The following PPFIA4 variants were observed in gnomAD, a reference collection of about 807,000 sequenced individuals.
PPFIA4 encodes PPFI scaffold protein A4.
In PPFIA4, 98 loss-of-function variants were observed where a neutral mutation model predicts 145.7. The ratio of observed to expected loss-of-function variants is 0.67; its 90% CI spans 0.57 to 0.80. The LOEUF is 0.80. Among genes scored for constraint, PPFIA4 ranks in the 30% least tolerant of loss-of-function variants. The pLI is 0.00. For missense variants in PPFIA4, 1,457 were observed against 1,632.7 expected (o/e 0.89, Z 1.85); for synonymous variants, 628 against 649.6 (o/e 0.97, Z 0.51).
At chr1:203,041,725 G>C (rs1002696540) in intron 2 of PPFIA4, among the ~76,000 whole-genome samples, 2 of 152,178 alleles carry the variant, frequency 1.3e-5, no homozygotes, top group Admixed American at 1.3e-4. Flanking sequence ...GGCCAGGAGA[G>C]GGGGCAGCAC....
intron 1 of PPFIA4, chr1:203,035,216 A>C: frequency 2.2e-6 from 1 of 445,420 alleles, no homozygotes; most frequent in Non-Finnish European, 4.5e-6. Context: ...TGCCCAGCTG[A>C]ATAGCCCCTC....
intron 1 of PPFIA4, among the ~76,000 whole-genome samples, chr1:203,034,290 C>T (rs1659055097): frequency 6.6e-6 from 1 of 152,124 alleles, no homozygotes; most frequent in South Asian, 2.1e-4. Context: ...TAGGTGGGTC[C>T]TGGGAGCAGA....
At position 203,068,489 on chromosome 1, in the gene PPFIA4, G is replaced by A. The variant is rs1661889759; in HGVS notation, c.3185G>A (p.Trp1062Ter). ...TGGACCAACGACCAGGTGGTTCATT[G>A]GGTCCAGTCTATTGGGCTCCGGGAC... ...LVWTNDQVVH[W>*]VQSIGLRDYA... is the part of the protein sequence containing the mutation. Residue 1062 changes from tryptophan to a stop codon, truncating the protein, a stop_gained, in exon 27 of 30, where the codon TGG becomes TAG. Coordinates refer to ENST00000295706, the MANE Select transcript of PPFIA4 (RefSeq NM_001304331.2). LOFTEE classifies it high-confidence loss of function. This position sits in a 1 kb window ranked among gnomAD's most constrained non-coding sequence, Gnocchi z 4.7. 2.5e-6 allele frequency: 4 copies of A among 1,607,880 alleles called. No homozygotes were observed. The highest frequency in any genetic ancestry group is 3.4e-6 in the Non-Finnish European group (4 of 1,177,376).
chr1:203,060,915 T>G lies in PPFIA4; in HGVS notation c.2785-55T>G. ...CTTGTCCTTTGGGCTCCCAGCCTGA[T>G]GGGGATCCTGGGGACCCACACCCAG... On this transcript the variant is annotated intron_variant, in intron 22 of 29. Transcript: ENST00000295706. The surrounding 1 kb of genome is among the most constrained non-coding windows in gnomAD (Gnocchi z 4.8). 1.3e-6 allele frequency: 2 copies of G among 1,539,796 alleles called. No individual in the cohort carries two copies. The highest frequency in any genetic ancestry group is 1.8e-6 in the Non-Finnish European group (2 of 1,113,250).
intron 1 of PPFIA4, among the ~76,000 whole-genome samples, chr1:203,038,158 T>C (rs1659435954): frequency 6.6e-6 from 1 of 152,154 alleles, no homozygotes; most frequent in Non-Finnish European, 1.5e-5. Context: ...CCACTCCCAC[T>C]AAGAGTCCTT....
Position 203,077,599 on chromosome 1 carries a change from C to G in PPFIA4, c.*1209C>G, listed in dbSNP as rs1032799438. On this transcript the variant is annotated 3_prime_UTR_variant, in exon 30 of 30. Transcript: ENST00000295706. ...TGTCCCCAAATCACCTAACCCTCAT[C>G]CAGGGCTATTTTGGTGGGCAGGGAC... 2 of 152,166 alleles carry G rather than the reference C, an allele frequency of 1.3e-5. No individual in the cohort carries two copies. Among genetic ancestry groups the G allele is most frequent in the Non-Finnish European group, 2.9e-5 (2 of 68,038 alleles). 9.4% of individuals were successfully genotyped at this position (152,166 alleles called of 1,614,324 possible). A position where few individuals can be genotyped will look rare whatever the true frequency, so the allele number is the denominator to read the frequency against.
intron 1 of PPFIA4, chr1:203,035,494 C>A: frequency 6.5e-6 from 2 of 306,616 alleles, no homozygotes; most frequent in Non-Finnish European, 1.4e-5. Context: ...TTTGTCCAAT[C>A]CCCCACCCCC....
At chr1:203,057,774 G>A (rs192507444) in intron 19 of PPFIA4, among the ~76,000 whole-genome samples, 10 of 152,322 alleles carry the variant, frequency 6.6e-5, no homozygotes, top group East Asian at 5.8e-4. Context: ...CTCAGAACTC[G>A]GCTATGGAAT....
intron 1 of PPFIA4, among the ~76,000 whole-genome samples, chr1:203,036,195 G>T (rs974983224): frequency 6.6e-6 from 1 of 152,184 alleles, no homozygotes; most frequent in Non-Finnish European, 1.5e-5. Context: ...ATCACAGGGT[G>T]CTTTCTACTC....
At position 203,048,411 on chromosome 1, in the gene PPFIA4, C is replaced by A; in HGVS notation, c.1224+101C>A. The A allele has an allele frequency of 6.7e-7, 1 of 1,483,578 alleles. No homozygotes were observed. The highest frequency in any genetic ancestry group is 9.2e-7 in the Non-Finnish European group (1 of 1,085,684). 91.9% of individuals were successfully genotyped at this position (1,483,578 alleles called of 1,614,324 possible). On this transcript the variant is annotated intron_variant, in intron 10 of 29. Transcript: ENST00000295706. The surrounding 1 kb of genome is among the most constrained non-coding windows in gnomAD (Gnocchi z 5.8). ...CACGGAGGAAGGGCCTGGCCAGGGA[C>A]ACAGCCACAGAGAGTGGGAGGAGGC...
intron 19 of PPFIA4, among the ~76,000 whole-genome samples, chr1:203,058,176 T>C (rs144576693): frequency 3.3e-5 from 5 of 152,022 alleles, no homozygotes; most frequent in African/African-American, 9.7e-5. Context: ...CAGGAAGATG[T>C]GAATCAGAAG....
intron 19 of PPFIA4, 29 bp downstream of exon 19, chr1:203,056,979 G>A (rs1661013106): frequency 1.2e-6 from 2 of 1,611,122 alleles, no homozygotes; most frequent in Non-Finnish European, 1.7e-6. Flanking sequence ...ACGGAGGTCT[G>A]GGCGGGCATT....
chr1:203,058,509 A>C (rs1451121966), intron 19 of PPFIA4, among the ~76,000 whole-genome samples: 1 of 152,184 alleles, frequency 6.6e-6, no homozygotes, highest in African/African-American at 2.4e-5. Context: ...GATGCTCTCC[A>C]CACACGTTGG....
rs1218450637 is a variant in PPFIA4 at position 203,078,482 on chromosome 1, TAAG to T, written c.*2097_*2099del. On this transcript the variant is annotated 3_prime_UTR_variant, in exon 30 of 30. Coordinates refer to ENST00000295706, the MANE Select transcript of PPFIA4 (RefSeq NM_001304331.2). ...CTTGAGAAGTGTTGCAGGGAGGTGT[TAAG>T]AAGAGAACTCTGTGCAAACAGTGAT... 3 of 152,548 alleles carry T rather than the reference TAAG, an allele frequency of 2.0e-5. No individual in the cohort carries two copies. The highest frequency in any genetic ancestry group is 7.2e-5 in the African/African-American group (3 of 41,418). The allele number at this position is 152,548 out of a possible 1,614,324, so 9.4% of individuals were successfully genotyped here. A position where few individuals can be genotyped will look rare whatever the true frequency, so the allele number is the denominator to read the frequency against.
intron 2 of PPFIA4, among the ~76,000 whole-genome samples, chr1:203,041,706 T>G (rs998356721): frequency 6.6e-6 from 1 of 152,054 alleles, no homozygotes; most frequent in Non-Finnish European, 1.5e-5. Flanking sequence ...AGACAGCTGC[T>G]GAGCTTGAGG....
chr1:203,045,722 G>T, intron 7 of PPFIA4, 119 bp from the exon 8 acceptor site: 2 of 1,504,742 alleles, frequency 1.3e-6, no homozygotes, highest in Non-Finnish European at 1.8e-6. Context: ...AAACTGACAG[G>T]AGAGTGTAGC....
At chr1:203,035,680 T>G (rs567665339) in intron 1 of PPFIA4, 1 of 456,692 alleles carries the variant, frequency 2.2e-6, no homozygotes, top group South Asian at 1.5e-5. Flanking sequence ...TTGAGGAGGC[T>G]TCTGTTAGGC....
chr1:203,036,758 A>T (rs1005817964), intron 1 of PPFIA4, among the ~76,000 whole-genome samples: 1 of 152,074 alleles, frequency 6.6e-6, no homozygotes, highest in Non-Finnish European at 1.5e-5. Flanking sequence ...CCTCCTCTCC[A>T]CTCCCAGCTG....
At chr1:203,031,838 G>T (rs1466874149) in intron 1 of PPFIA4, among the ~76,000 whole-genome samples, 1 of 152,184 alleles carries the variant, frequency 6.6e-6, no homozygotes, top group Non-Finnish European at 1.5e-5. Context: ...GATGTCTAGG[G>T]TTTTCTCTGG....
Sources: allele counts gnomAD v4.1 joint callset (sites outside exome capture counted in the v4.1 genomes callset), GRCh38; gene constraint gnomAD v4.1.1; non-coding constraint Gnocchi (gnomAD v3.1); transcripts MANE v1.5; gene names NCBI Gene and HGNC (gene_info 2026-07-23, HGNC 2026-07-21).